The following GBF1 variants were observed in gnomAD, a reference collection of about 807,000 sequenced individuals.
The protein encoded by GBF1 is Golgi-specific brefeldin A-resistance guanine nucleotide exchange factor 1.
Under a neutral mutation model 210.5 loss-of-function variants are expected in GBF1, and 114 were observed. The observed-to-expected ratio is 0.54, with a 90% CI of 0.47 to 0.63. The LOEUF is 0.63. Among genes scored for constraint, GBF1 ranks in the 30% least tolerant of loss-of-function variants. The probability of loss-of-function intolerance (pLI) is 0.00; values close to 1 mark genes in which losing one functional copy is unlikely to be tolerated. For missense variants in GBF1, 1,851 were observed against 2,357.7 expected (o/e 0.79, Z 4.45); for synonymous variants, 850 against 889.2 (o/e 0.96, Z 0.78).
chr10:102,268,299 C>T (rs184624162), intron 3 of GBF1, among the ~76,000 whole-genome samples: 17 of 152,294 alleles, frequency 1.1e-4, no homozygotes, highest in African/African-American at 4.1e-4. Context: ...AGTTTCCTGG[C>T]TGTTGAGGGG....
At chr10:102,259,160 A>G (rs1402906261) in intron 2 of GBF1, 126 bp downstream of exon 2, 16 of 629,666 alleles carry the variant, frequency 2.5e-5, no homozygotes, top group Non-Finnish European at 4.3e-5. Context: ...TGTTCTTGAT[A>G]TCTTGTTTTT....
chr10:102,272,912 C>T (rs985964871), intron 3 of GBF1, among the ~76,000 whole-genome samples: 3 of 152,172 alleles, frequency 2.0e-5, no homozygotes, highest in African/African-American at 7.2e-5. Flanking sequence ...TTGGTGCTCA[C>T]ATTATTTCAA....
At chr10:102,352,640 G>C (rs534070135) in intron 7 of GBF1, 122 bp downstream of exon 7, 1 of 717,168 alleles carries the variant, frequency 1.4e-6, no homozygotes, top group Admixed American at 2.0e-5. Context: ...CTGGGATTAT[G>C]GATGGGGGGT....
chr10:102,307,890 G>A (rs1214901543), intron 3 of GBF1, among the ~76,000 whole-genome samples: 1 of 152,086 alleles, frequency 6.6e-6, no homozygotes. Context: ...TAAATAATCA[G>A]TAAACATAAG....
At chr10:102,235,634 C>G in the GBF1 span, among the ~76,000 whole-genome samples, 1,819 of 152,012 alleles carry the variant, frequency 0.012, 30 homozygotes, top group African/African-American at 0.042. Context: ...TTTTTTTCCT[C>G]ACTCATTAAA....
intron 33 of GBF1, among the ~76,000 whole-genome samples, chr10:102,379,013 T>C (rs1322781359): frequency 6.6e-6 from 1 of 152,230 alleles, no homozygotes; most frequent in African/African-American, 2.4e-5. Context: ...GAAAGTATCT[T>C]TCTCACTGTG....
At chr10:102,257,639 G>A (rs1277552654) in intron 1 of GBF1, among the ~76,000 whole-genome samples, 1 of 152,044 alleles carries the variant, frequency 6.6e-6, no homozygotes, top group Non-Finnish European at 1.5e-5. Flanking sequence ...CGCTGACATT[G>A]CAACTGTGGT....
chr10:102,327,506 A>G (rs917891907), intron 3 of GBF1, among the ~76,000 whole-genome samples: 3 of 152,344 alleles, frequency 2.0e-5, no homozygotes, highest in South Asian at 2.1e-4. Context: ...ATATCCTTCA[A>G]TAAGAGAATG....
chr10:102,281,594 T>A (rs1253804688), intron 3 of GBF1, among the ~76,000 whole-genome samples: 1 of 149,488 alleles, frequency 6.7e-6, no homozygotes, highest in East Asian at 1.9e-4. Flanking sequence ...ATATTATAAC[T>A]TAGACTCATA....
rs1415557859 is a variant in GBF1 at position 102,360,297 on chromosome 10, C to G, written c.1294C>G (p.Leu432Val). Reference protein sequence around the residue: ...HNSEVMIHMGLHLLTVALESA... With the variant: ...HNSEVMIHMGVHLLTVALESA... ...CTCAGAGGTTATGATTCACATGGGA[C>G]TGCATTTGCTGACAGTGGCCCTTGA... is the stretch of plus-strand genomic sequence containing the variant. Residue 432 changes from leucine (L) to valine (V), a missense_variant, in exon 12 of 40, where the codon CTG becomes GTG. Around this residue, in one of 3 missense-constraint regions of GBF1, gnomAD observed 804 missense variants for 958.6 expected, o/e 0.84. Coordinates refer to ENST00000369983, the MANE Select transcript of GBF1 (RefSeq NM_001377137.1). 1 of 1,613,680 alleles carries G rather than the reference C, an allele frequency of 6.2e-7. No homozygotes were observed. Among genetic ancestry groups the G allele is most frequent in the East Asian group, 2.2e-5 (1 of 44,880 alleles).
intron 1 of GBF1, among the ~76,000 whole-genome samples, chr10:102,253,095 A>G (rs1278945034): frequency 6.6e-6 from 1 of 152,048 alleles, no homozygotes; most frequent in Non-Finnish European, 1.5e-5. Context: ...GGGTTTCACC[A>G]TGCTGGCCAG....
At chr10:102,323,582 T>C (rs560680923) in intron 3 of GBF1, among the ~76,000 whole-genome samples, 165 of 151,858 alleles carry the variant, frequency 1.1e-3, no homozygotes, top group African/African-American at 3.8e-3. Flanking sequence ...TGTCTTTTTT[T>C]TTTTTTTTCC....
In GBF1 at chr10:102,361,472, A is replaced by G. The variant is rs566640195; in HGVS notation, c.1492-246A>G. On this transcript the variant is annotated intron_variant, in intron 13 of 39. Transcript: ENST00000369983. ...CTAAATAGGACCAGGTCATGTTCAC[A>G]TAGCACAAAAGGGCAAGAGGCAACT... is the stretch of plus-strand genomic sequence containing the variant. Among the ~76,000 whole-genome samples, 3 of 152,352 alleles carry G rather than the reference A, an allele frequency of 2.0e-5. 1 individual carries two copies. The highest frequency in any genetic ancestry group is 4.1e-4 in the South Asian group (2 of 4,830).
chr10:102,281,936 T>C (rs1481139376), intron 3 of GBF1, among the ~76,000 whole-genome samples: 1 of 150,476 alleles, frequency 6.6e-6, no homozygotes, highest in Non-Finnish European at 1.5e-5. Context: ...TTTTCTTTTT[T>C]TTTTTTTTGA....
chr10:102,246,249 A>G lies in GBF1; in HGVS notation c.-11+468A>G, dbSNP rs115742798. ...ATACAAAGGAACTGCTTCATTAATA[A>G]TGATGAACTAGTGCACCCTAGAATC... On this transcript the variant is annotated intron_variant, in intron 1 of 39. Coordinates refer to ENST00000369983, the MANE Select transcript of GBF1 (RefSeq NM_001377137.1). 4.5e-4 allele frequency among the ~76,000 whole-genome samples: 68 copies of G among 152,338 alleles called. 1 individual carries two copies. Among genetic ancestry groups the G allele is most frequent in the African/African-American group, 1.6e-3 (65 of 41,568 alleles).
rs779933281 is a variant in GBF1, at chr10:102,260,075, A to G, written c.122A>G (p.His41Arg). 6.3e-7 allele frequency: 1 copy of G among 1,593,048 alleles called. No homozygotes were observed. Among genetic ancestry groups the G allele is most frequent in the Admixed American group, 1.7e-5 (1 of 59,882 alleles). The change falls in exon 3 of 40, where the codon CAT (histidine) becomes CGT (arginine). Residue 41 changes from histidine to arginine, a missense_variant. His to Arg is a conservative substitution (Grantham distance 29). Coordinates refer to ENST00000369983, the MANE Select transcript of GBF1 (RefSeq NM_001377137.1). ...GATGAAGAACGGGATCCTCTGCTGCATAGTTTCGGTCATCTAAAGGAGGTT... is the reference window on the plus strand; with the variant it reads ...GATGAAGAACGGGATCCTCTGCTGCGTAGTTTCGGTCATCTAAAGGAGGTT... ...PLDEERDPLL[H>R]SFGHLKEVLN...
intron 3 of GBF1, among the ~76,000 whole-genome samples, chr10:102,287,344 C>CTTTTATTTTTTTTTT (rs2076041352): frequency 1.4e-5 from 1 of 69,524 alleles, no homozygotes; most frequent in Non-Finnish European, 2.5e-5. Context: ...ATTTTATTTT[C>CTTTTATTTTTTTTTT]TTTTTTTTTT....
intron 3 of GBF1, among the ~76,000 whole-genome samples, chr10:102,334,370 C>A (rs2057566340): frequency 6.6e-6 from 1 of 152,216 alleles, no homozygotes; most frequent in Non-Finnish European, 1.5e-5. Context: ...CAGCCCAATG[C>A]TGGCCAAATG....
chr10:102,251,008 GA>G (rs35041817), intron 1 of GBF1, among the ~76,000 whole-genome samples: 2,182 of 143,340 alleles, frequency 0.015, 40 homozygotes, highest in African/African-American at 0.05. Context: ...AAGTGATTAA[GA>G]AAAAAAAAAA....
Sources: allele counts gnomAD v4.1 joint callset (sites outside exome capture counted in the v4.1 genomes callset), GRCh38; gene constraint gnomAD v4.1.1; regional missense constraint gnomAD v4.1.1; transcripts MANE v1.5; gene names NCBI Gene and HGNC (gene_info 2026-07-23, HGNC 2026-07-21).